PRKG1: variants seen among roughly 807,000 people sequenced by gnomAD.
PRKG1 encodes the protein protein kinase cGMP-dependent 1, also known as cGMP-dependent protein kinase 1.
A neutral mutation model predicts 88.1 loss-of-function variants in PRKG1; 35 were observed. That is an observed-to-expected ratio of 0.40 (90% CI 0.30 to 0.53). PRKG1 has a LOEUF of 0.53. Ranked by LOEUF, PRKG1 falls within the 20% of genes least tolerant of loss-of-function variation. The pLI, the probability that PRKG1 is intolerant of heterozygous loss-of-function variation, is 0.59. For synonymous variants in PRKG1, 303 were observed against 292.5 expected (o/e 1.04, Z -0.37); for missense variants, 540 against 839.8 (o/e 0.64, Z 4.41).
chr10:51,618,017 C>T (rs923108271), intron 3 of PRKG1, among the ~76,000 whole-genome samples: 1 of 152,148 alleles, frequency 6.6e-6, no homozygotes, highest in Non-Finnish European at 1.5e-5. Context: ...GAATCAATAG[C>T]CTTTTCATCC....
intron 9 of PRKG1, among the ~76,000 whole-genome samples, chr10:52,166,765 C>A (rs1204546178): frequency 9.4e-6 from 1 of 106,088 alleles, no homozygotes; most frequent in Non-Finnish European, 2.2e-5. Context: ...GGCAAAACAG[C>A]TATTTCTTCA....
At chr10:51,268,394 C>T (rs1232734053) in intron 2 of PRKG1, among the ~76,000 whole-genome samples, 4 of 152,080 alleles carry the variant, frequency 2.6e-5, no homozygotes, top group Admixed American at 2.6e-4. Context: ...TTATTTCATC[C>T]CTACAGCTGC....
intron 3 of PRKG1, among the ~76,000 whole-genome samples, chr10:51,768,320 A>G (rs552696915): frequency 6.6e-6 from 1 of 152,224 alleles, no homozygotes; most frequent in Admixed American, 6.6e-5. Flanking sequence ...ATATTTTTTG[A>G]TTACACATAT....
chr10:51,716,853 C>T (rs942388418), intron 3 of PRKG1, among the ~76,000 whole-genome samples: 7 of 152,096 alleles, frequency 4.6e-5, no homozygotes, highest in South Asian at 2.1e-4. Flanking sequence ...CCACCACGCC[C>T]GCCTGGCTAA....
intron 1 of PRKG1, among the ~76,000 whole-genome samples, chr10:51,151,927 A>G (rs1846083216): frequency 6.6e-6 from 1 of 152,022 alleles, no homozygotes; most frequent in South Asian, 2.1e-4. Context: ...CTCCCCTGGA[A>G]GCCACTTGCT....
intron 1 of PRKG1, among the ~76,000 whole-genome samples, chr10:51,067,616 G>C (rs1843769149): frequency 6.6e-6 from 1 of 152,030 alleles, no homozygotes; most frequent in Non-Finnish European, 1.5e-5. Flanking sequence ...TAGAATTTTG[G>C]CTGTATTATA....
Position 51,652,612 on chromosome 10 carries a change from AT to A in PRKG1, c.593-151968del, listed in dbSNP as rs911854183. Among the ~76,000 whole-genome samples the A allele has an allele frequency of 3.0e-4, 45 of 152,204 alleles. 1 individual carries two copies. The highest frequency in any genetic ancestry group is 1.1e-3 in the African/African-American group (45 of 41,566). On this transcript the variant is annotated intron_variant, in intron 3 of 17. Transcript: ENST00000373980. ...GCCTTTTTAATTTTTAAATTATTTTATTTTTAATTGACAAATAATTGTATAT... is the reference window on the plus strand; with the variant it reads ...GCCTTTTTAATTTTTAAATTATTTTATTTTAATTGACAAATAATTGTATAT...
intron 7 of PRKG1, among the ~76,000 whole-genome samples, chr10:52,076,292 C>T (rs1197919042): frequency 6.6e-6 from 1 of 152,250 alleles, no homozygotes; most frequent in African/African-American, 2.4e-5. Context: ...CCCAGTGGCT[C>T]ACGCCCGTAG....
At chr10:51,643,347 A>G (rs1477649462) in intron 3 of PRKG1, among the ~76,000 whole-genome samples, 1 of 152,230 alleles carries the variant, frequency 6.6e-6, no homozygotes, top group African/African-American at 2.4e-5. Flanking sequence ...TAGAAAACTC[A>G]GACATCCTAA....
At chr10:51,313,248 A>C (rs781221426) in intron 2 of PRKG1, among the ~76,000 whole-genome samples, 7 of 152,174 alleles carry the variant, frequency 4.6e-5, no homozygotes, top group Non-Finnish European at 8.8e-5. Flanking sequence ...AATCTGTGTC[A>C]GATTGGCCCT....
intron 12 of PRKG1, among the ~76,000 whole-genome samples, chr10:52,276,104 C>T (rs569550087): frequency 1.4e-4 from 22 of 152,136 alleles, no homozygotes; most frequent in African/African-American, 5.3e-4. Context: ...TAGGGTTTGC[C>T]AGGAAAACGG....
intron 3 of PRKG1, among the ~76,000 whole-genome samples, chr10:51,639,980 A>G (rs558122476): frequency 4.6e-5 from 7 of 152,314 alleles, no homozygotes; most frequent in Admixed American, 1.3e-4. Context: ...CTGGATCTAC[A>G]AAATAAGTAT....
intron 2 of PRKG1, among the ~76,000 whole-genome samples, chr10:51,401,775 G>A (rs1326779894): frequency 6.6e-6 from 1 of 152,084 alleles, no homozygotes; most frequent in Non-Finnish European, 1.5e-5. Flanking sequence ...ACCAGGAAGT[G>A]TTTATCCATG....
At chr10:51,425,518 C>T (rs919564659) in intron 2 of PRKG1, among the ~76,000 whole-genome samples, 2 of 152,156 alleles carry the variant, frequency 1.3e-5, no homozygotes, top group African/African-American at 4.8e-5. Context: ...ACAATATTCC[C>T]ATGCACTAAC....
At chr10:51,150,600 A>G (rs1846045310) in intron 1 of PRKG1, among the ~76,000 whole-genome samples, 1 of 152,160 alleles carries the variant, frequency 6.6e-6, no homozygotes, top group South Asian at 2.1e-4. Flanking sequence ...CAATATCTGT[A>G]TGAAGGTATA....
intron 9 of PRKG1, among the ~76,000 whole-genome samples, chr10:52,233,196 A>G (rs201544466): frequency 1.1e-4 from 17 of 150,420 alleles, no homozygotes; most frequent in East Asian, 3.9e-4. Flanking sequence ...AAAAAAAAAA[A>G]AGAGAGAGAG....
intron 2 of PRKG1, among the ~76,000 whole-genome samples, chr10:51,241,789 G>A (rs1184025043): frequency 6.6e-6 from 1 of 152,084 alleles, no homozygotes; most frequent in African/African-American, 2.4e-5. Context: ...CCTGTCCTGT[G>A]CTGTCCTTAA....
intron 3 of PRKG1, among the ~76,000 whole-genome samples, chr10:51,481,004 A>T (rs1490190533): frequency 6.6e-6 from 1 of 152,154 alleles, no homozygotes; most frequent in Non-Finnish European, 1.5e-5. Flanking sequence ...ACAAAATATG[A>T]GCCATACATA....
At chr10:51,640,224 C>T (rs1420729534) in intron 3 of PRKG1, among the ~76,000 whole-genome samples, 2 of 152,050 alleles carry the variant, frequency 1.3e-5, no homozygotes, top group South Asian at 4.1e-4. Flanking sequence ...TGCAGCTGGC[C>T]GCCCTGCTTA....
Sources: allele counts gnomAD v4.1 joint callset (sites outside exome capture counted in the v4.1 genomes callset), GRCh38; gene constraint gnomAD v4.1.1; transcripts MANE v1.5; gene names NCBI Gene and HGNC (gene_info 2026-07-23, HGNC 2026-07-21).